MAJIN: variants seen among roughly 807,000 people sequenced by gnomAD.
MAJIN encodes membrane-anchored junction protein.
MAJIN carries 27 observed loss-of-function variants against 30.2 expected under a neutral mutation model. The observed-to-expected ratio is 0.89, with a 90% CI of 0.66 to 1.23. The LOEUF (loss-of-function observed/expected upper bound fraction) is 1.23. Ranked by LOEUF, MAJIN falls within the 50% of genes most tolerant of loss-of-function variation. The probability of loss-of-function intolerance (pLI) is 0.00; values close to 1 mark genes in which losing one functional copy is unlikely to be tolerated. For synonymous variants in MAJIN, 78 were observed against 91.6 expected, an observed-to-expected ratio of 0.85 and a Z score of 0.85; for missense variants, 253 against 260.3, an observed-to-expected ratio of 0.97 and a Z score of 0.19.
At chr11:64,961,764 C>T (rs1157414151) in intron 1 of MAJIN, among the ~76,000 whole-genome samples, 1 of 151,220 alleles carries the variant, frequency 6.6e-6, no homozygotes, top group African/African-American at 2.4e-5. Context: ...GCATGAGCCA[C>T]TGCGCCTGGC....
chr11:64,950,043 G>A (rs550880924), intron 5 of MAJIN, among the ~76,000 whole-genome samples, 175 bp from the exon 6 acceptor site: 14 of 152,230 alleles, frequency 9.2e-5, no homozygotes, highest in African/African-American at 3.1e-4. Context: ...AGAAAAGAAA[G>A]GATAGGCTGG....
intron 3 of MAJIN, among the ~76,000 whole-genome samples, chr11:64,958,010 C>T (rs868765737): frequency 1.3e-5 from 2 of 151,832 alleles, no homozygotes; most frequent in Non-Finnish European, 2.9e-5. Context: ...GGGACCATCC[C>T]GGCTCACTGC....
intron 4 of MAJIN, among the ~76,000 whole-genome samples, chr11:64,952,174 C>T (rs1005590898): frequency 5.3e-5 from 8 of 152,054 alleles, no homozygotes; most frequent in South Asian, 4.2e-4. Flanking sequence ...CAGGCATGAG[C>T]GACCACGCCC....
rs2136701751 is a variant in MAJIN, at chr11:64,938,334, A to G, written c.*241T>C. On this transcript the variant is annotated 3_prime_UTR_variant, in exon 11 of 11. Transcript: ENST00000301896. Reference sequence around the variant, plus strand: ...AACATTTTAGAAAGTTCCATTCTTAATGTTTTAAATTGGGGGAAAAAATCT... The same window carrying G: ...AACATTTTAGAAAGTTCCATTCTTAGTGTTTTAAATTGGGGGAAAAAATCT... The G allele has an allele frequency of 1.2e-5, 7 of 605,946 alleles. No homozygotes were observed. The highest frequency in any genetic ancestry group is 3.0e-5 in the Admixed American group (1 of 33,518). The allele number at this position is 605,946 out of a possible 1,614,324, so 37.5% of individuals were successfully genotyped here.
intron 8 of MAJIN, among the ~76,000 whole-genome samples, chr11:64,942,910 A>G (rs1945399478): frequency 6.6e-6 from 1 of 152,174 alleles, no homozygotes; most frequent in South Asian, 2.1e-4. Flanking sequence ...TAAGGGTGGG[A>G]GGAGGAACAG....
At chr11:64,965,993 C>T (rs1302453075) in intron 1 of MAJIN, among the ~76,000 whole-genome samples, 1 of 150,698 alleles carries the variant, frequency 6.6e-6, no homozygotes, top group African/African-American at 2.4e-5. Context: ...ATGCTGAATT[C>T]ACTGCAGCAC....
At chr11:64,948,482 T>C (rs1945485078) in intron 6 of MAJIN, among the ~76,000 whole-genome samples, 1 of 149,150 alleles carries the variant, frequency 6.7e-6, no homozygotes, top group African/African-American at 2.5e-5. Context: ...CAGGCAGAAG[T>C]GCAGTGGTGT....
rs1945688567 is a variant in MAJIN, at chr11:64,959,394, T to C, written c.12A>G (p.Lys4=). The C allele has an allele frequency of 1.2e-6, 2 of 1,613,258 alleles. No homozygotes were observed. The highest frequency in any genetic ancestry group is 1.7e-6 in the Non-Finnish European group (2 of 1,179,400). ...TCTCTGGAAACGGGTAGGTAAAGGG[T>C]TTTAAACTCATTGCTCCCAAACGAT... MSL[K]PFTYPFPETR... The change falls in exon 3 of 11, where the codon AAA becomes AAG. Residue 4 remains lysine (K), a synonymous_variant. Coordinates refer to ENST00000301896, the MANE Select transcript of MAJIN (RefSeq NM_001037225.3).
chr11:64,968,973 A>T (rs1945855405), intron 1 of MAJIN, among the ~76,000 whole-genome samples: 1 of 152,192 alleles, frequency 6.6e-6, no homozygotes, highest in Non-Finnish European at 1.5e-5. Context: ...CGTCCAGGAG[A>T]AAGATGCTGC....
At chr11:64,962,493 C>T (rs1227925374) in intron 1 of MAJIN, among the ~76,000 whole-genome samples, 1 of 152,188 alleles carries the variant, frequency 6.6e-6, no homozygotes, top group Non-Finnish European at 1.5e-5. Flanking sequence ...AAGGGTCAGA[C>T]TCTCCACGCA....
chr11:64,939,850 G>A, intron 9 of MAJIN, 83 bp from the exon 10 acceptor site: 2 of 1,231,350 alleles, frequency 1.6e-6, no homozygotes, highest in South Asian at 2.7e-5. Flanking sequence ...CACCCAGTAT[G>A]AGCCAGAGGC....
At chr11:64,952,497 T>C (rs1022027574) in intron 4 of MAJIN, among the ~76,000 whole-genome samples, 1 of 151,828 alleles carries the variant, frequency 6.6e-6, no homozygotes, top group Non-Finnish European at 1.5e-5. Context: ...TGTGTTTTTA[T>C]ACATATTAAT....
At chr11:64,966,944 A>AAG (rs1554973192) in intron 1 of MAJIN, among the ~76,000 whole-genome samples, 5 of 151,558 alleles carry the variant, frequency 3.3e-5, no homozygotes, top group Non-Finnish European at 4.4e-5. Context: ...AAAAAAAAAA[A>AAG]AAAGAAAGAA....
At chr11:64,958,933 TA>T (rs1383403177) in intron 3 of MAJIN, among the ~76,000 whole-genome samples, 1 of 151,990 alleles carries the variant, frequency 6.6e-6, no homozygotes, top group Non-Finnish European at 1.5e-5. Flanking sequence ...CCCTGAGATG[TA>T]AAATTTTGAG....
chr11:64,957,670 C>G (rs959214314), intron 3 of MAJIN, among the ~76,000 whole-genome samples: 1 of 152,130 alleles, frequency 6.6e-6, no homozygotes, highest in African/African-American at 2.4e-5. Context: ...TCCCAAAGTG[C>G]TGGTATTACA....
intron 3 of MAJIN, among the ~76,000 whole-genome samples, chr11:64,958,651 A>T (rs549400788): frequency 3.3e-5 from 5 of 151,426 alleles, no homozygotes; most frequent in African/African-American, 9.7e-5. Context: ...GAGATGAAAA[A>T]ATATATATAT....
At chr11:64,958,971 C>T (rs1229356381) in intron 3 of MAJIN, among the ~76,000 whole-genome samples, 1 of 151,740 alleles carries the variant, frequency 6.6e-6, no homozygotes, top group East Asian at 1.9e-4. Flanking sequence ...ATATGTTGTC[C>T]TAGGCTGGGT....
Position 64,948,602 on chromosome 11 carries a change from CATATATATAT to C in MAJIN, c.350-793_350-784del, listed in dbSNP as rs1554970962. 7.9e-3 allele frequency among the ~76,000 whole-genome samples: 153 copies of C among 19,400 alleles called. 1 individual carries two copies. The highest frequency in any genetic ancestry group is 0.026 in the East Asian group (11 of 416). The allele number at this position is 19,400 out of a possible 152,430, so 12.7% of individuals were successfully genotyped here. On this transcript the variant is annotated intron_variant, in intron 6 of 10. Coordinates refer to ENST00000301896, the MANE Select transcript of MAJIN (RefSeq NM_001037225.3). ...GCACCACCACCATGTCGGGCTACAT[CATATATATAT>C]ATATATATATATATATATATATATA...
Position 64,966,145 on chromosome 11 carries a change from G to GAAAAAAAAAAAAAAAAAAAAAAAAAA in MAJIN, c.-65+5731_-65+5732insTTTTTTTTTTTTTTTTTTTTTTTTTT, listed in dbSNP as rs58387921. On this transcript the variant is annotated intron_variant, in intron 1 of 10. Coordinates refer to ENST00000301896, the MANE Select transcript of MAJIN (RefSeq NM_001037225.3). ...ACATGTAAGGAAGAAGATTAAAAATGAAAAAAAAAAAAAAAAAAAAGCAGC... is the reference window on the plus strand; with the variant it reads ...ACATGTAAGGAAGAAGATTAAAAATGAAAAAAAAAAAAAAAAAAAAAAAAAAAAAAAAAAAAAAAAAAAAAAGCAGC... Among the ~76,000 whole-genome samples, 25 of 57,120 alleles carry GAAAAAAAAAAAAAAAAAAAAAAAAAA rather than the reference G, an allele frequency of 4.4e-4. 4 individuals carry two copies. Among genetic ancestry groups the GAAAAAAAAAAAAAAAAAAAAAAAAAA allele is most frequent in the Non-Finnish European group, 5.1e-4 (17 of 33,440 alleles). The allele number at this position is 57,120 out of a possible 152,430, so 37.5% of individuals were successfully genotyped here. A position where few individuals can be genotyped will look rare whatever the true frequency, so the allele number is the denominator to read the frequency against.
Sources: allele counts gnomAD v4.1 joint callset (sites outside exome capture counted in the v4.1 genomes callset), GRCh38; gene constraint gnomAD v4.1.1; transcripts MANE v1.5; gene names NCBI Gene and HGNC (gene_info 2026-07-23, HGNC 2026-07-21).